Variants in FANCC observed in about 807,000 individuals in gnomAD.
FANCC encodes the protein Fanconi anemia group C protein.
Under a neutral mutation model 71.3 loss-of-function variants are expected in FANCC, and 55 were observed. The ratio of observed to expected loss-of-function variants is 0.77; its 90% CI spans 0.62 to 0.97. FANCC has a LOEUF of 0.97. FANCC is among the 50% of genes least tolerant of loss of function. The pLI, the probability that FANCC is intolerant of heterozygous loss-of-function variation, is 0.00. For missense variants in FANCC, 678 were observed against 670.9 expected (o/e 1.01, Z -0.12); for synonymous variants, 275 against 244.9 (o/e 1.12, Z -1.15).
At chr9:95,249,040 C>T in intron 2 of FANCC, 87 bp downstream of exon 2, 6 of 1,442,510 alleles carry the variant, frequency 4.2e-6, no homozygotes, top group Non-Finnish European at 5.8e-6. Flanking sequence ...CCACAAGTCC[C>T]GATTCTGGGT....
chr9:95,215,169 T>C (rs1306027666), intron 4 of FANCC, among the ~76,000 whole-genome samples: 1 of 152,172 alleles, frequency 6.6e-6, no homozygotes, highest in Non-Finnish European at 1.5e-5. Context: ...ACAGTTCGGA[T>C]ACAGATCACT....
At chr9:95,131,210 ATGTGCTCTTCTC>A (rs1826861853) in intron 8 of FANCC, among the ~76,000 whole-genome samples, 1 of 152,210 alleles carries the variant, frequency 6.6e-6, no homozygotes, top group African/African-American at 2.4e-5. Flanking sequence ...TTAAATTTAC[ATGTGCTCTTCTC>A]TGTGTTTGGA....
chr9:95,271,953 T>TTTTTTTTTTTTTTTTTTTTA (rs1832759135), intron 1 of FANCC, among the ~76,000 whole-genome samples: 1 of 136,640 alleles, frequency 7.3e-6, no homozygotes. Context: ...TTTTTTTTTT[T>TTTTTTTTTTTTTTTTTTTTA]TGAGATGGAG....
chr9:95,136,147 T>C (rs1036971606), intron 7 of FANCC, among the ~76,000 whole-genome samples: 6 of 152,100 alleles, frequency 3.9e-5, no homozygotes, highest in Non-Finnish European at 5.9e-5. Context: ...TCCCAACACT[T>C]TGAGAGACTG....
In FANCC at chr9:95,099,805, C is replaced by T. The variant is rs144528669; in HGVS notation, c.*1902G>A. The T allele has an allele frequency of 4.7e-5, 11 of 232,484 alleles. No homozygotes were observed. Among genetic ancestry groups the T allele is most frequent in the African/African-American group, 1.5e-4 (7 of 45,416 alleles). The allele number at this position is 232,484 out of a possible 1,614,324, so 14.4% of individuals were successfully genotyped here. ...GAACTGGGAGATTCTGCAGATGGGC[C>T]GAGGTCAGGGCTTCCAGGCTAGGAA... On this transcript the variant is annotated 3_prime_UTR_variant, in exon 15 of 15. Coordinates refer to ENST00000289081, the MANE Select transcript of FANCC (RefSeq NM_000136.3).
intron 4 of FANCC, among the ~76,000 whole-genome samples, chr9:95,235,776 G>C (rs917647508): frequency 1.4e-5 from 2 of 146,436 alleles, no homozygotes; most frequent in African/African-American, 5.1e-5. Flanking sequence ...CCCAGGAGGC[G>C]GAGGTTGCAG....
intron 11 of FANCC, among the ~76,000 whole-genome samples, chr9:95,115,300 G>A (rs925631107): frequency 1.3e-5 from 2 of 152,232 alleles, no homozygotes; most frequent in Non-Finnish European, 2.9e-5. Context: ...AGCAGCCCCC[G>A]CTGAGACTGG....
At chr9:95,142,299 A>G (rs1828877828) in intron 7 of FANCC, 2 of 151,304 alleles carry the variant, frequency 1.3e-5, no homozygotes. Context: ...GGCCACCAAC[A>G]GTTTTTATTT....
chr9:95,144,843 A>G (rs1428882501), intron 7 of FANCC, among the ~76,000 whole-genome samples: 1 of 152,202 alleles, frequency 6.6e-6, no homozygotes, highest in South Asian at 2.1e-4. Context: ...TAAGGAAAGA[A>G]TCGAGCGCCG....
chr9:95,105,652 C>CA (rs753498257), intron 14 of FANCC, among the ~76,000 whole-genome samples: 9 of 152,194 alleles, frequency 5.9e-5, no homozygotes, highest in Non-Finnish European at 1.0e-4. Context: ...ACTGACTCCC[C>CA]ACCCTCTGCC....
At chr9:95,154,666 A>G (rs1393008056) in intron 6 of FANCC, among the ~76,000 whole-genome samples, 2 of 151,916 alleles carry the variant, frequency 1.3e-5, no homozygotes, top group African/African-American at 2.4e-5. Flanking sequence ...GTGTTAAAAC[A>G]TGGCAGGAAG....
intron 7 of FANCC, among the ~76,000 whole-genome samples, chr9:95,149,666 A>G (rs575771906): frequency 2.6e-5 from 4 of 152,152 alleles, no homozygotes; most frequent in African/African-American, 9.6e-5. Context: ...TTTAGTAGAG[A>G]CAGGGTTTCA....
chr9:95,135,354 A>T lies in FANCC; in HGVS notation c.835T>A (p.Ser279Thr), dbSNP rs757190154. 5.6e-6 allele frequency: 9 copies of T among 1,613,940 alleles called. No individual in the cohort carries two copies. In the Admixed American group the frequency reaches 1.5e-4, roughly 27 times the overall value. Residue 279 changes from serine (S) to threonine (T), a missense_variant, in exon 8 of 15, where the codon TCA becomes ACA. Physicochemically the swap from Ser to Thr is moderately conservative, Grantham distance 58 (BLOSUM62 1). Transcript: ENST00000289081. ...LRRIECFIKD[S>T]SLPQAACHPA... ...CAAAACCCAGTACGTACCAGCGATG[A>T]ATCTTTTATAAAGCATTCGATCCTT...
chr9:95,244,431 G>A (rs1322486007), intron 3 of FANCC, among the ~76,000 whole-genome samples: 1 of 152,142 alleles, frequency 6.6e-6, no homozygotes, highest in East Asian at 1.9e-4. Context: ...TGTAATCCCA[G>A]CACTTTGGGA....
chr9:95,272,579 C>T (rs1290676416), intron 1 of FANCC, among the ~76,000 whole-genome samples: 1 of 152,052 alleles, frequency 6.6e-6, no homozygotes, highest in Non-Finnish European at 1.5e-5. Flanking sequence ...TGTCTGTAAT[C>T]CCAGCTACTC....
intron 1 of FANCC, among the ~76,000 whole-genome samples, chr9:95,277,254 C>T (rs1284018407): frequency 6.6e-6 from 1 of 152,158 alleles, no homozygotes; most frequent in Admixed American, 6.5e-5. Flanking sequence ...TCAAAGAGCA[C>T]ATTAATGTAA....
chr9:95,249,150 T>C lies in FANCC; in HGVS notation c.142A>G (p.Met48Val), dbSNP rs1831171942. The C allele has an allele frequency of 6.2e-7, 1 of 1,614,060 alleles. No homozygotes were observed. Among genetic ancestry groups the C allele is most frequent in the Non-Finnish European group, 8.5e-7 (1 of 1,179,952 alleles). ...ACCATCTCTTTCAAGGCTTCATACA[T>C]CTTCCTTAGGAACTCCTGGAACTGA... The part of the protein sequence containing the change: ...VAQFQEFLRK[M>V]YEALKEMDSN... The change falls in exon 2 of 15, where the codon ATG becomes GTG. Residue 48 changes from methionine to valine, a missense_variant. Met to Val is a conservative substitution (Grantham distance 21). Coordinates refer to ENST00000289081, the MANE Select transcript of FANCC (RefSeq NM_000136.3).
intron 7 of FANCC, among the ~76,000 whole-genome samples, chr9:95,147,249 G>A (rs1275210657): frequency 6.6e-6 from 1 of 152,166 alleles, no homozygotes; most frequent in Non-Finnish European, 1.5e-5. Flanking sequence ...CTGGCGCAGT[G>A]GCTCACGCCT....
intron 4 of FANCC, among the ~76,000 whole-genome samples, chr9:95,237,029 A>T (rs1239509574): frequency 2.6e-5 from 4 of 152,226 alleles, no homozygotes; most frequent in Admixed American, 2.6e-4. Context: ...TTATGTATGT[A>T]CTGACTGATG....
Sources: allele counts gnomAD v4.1 joint callset (sites outside exome capture counted in the v4.1 genomes callset), GRCh38; gene constraint gnomAD v4.1.1; transcripts MANE v1.5; gene names NCBI Gene and HGNC (gene_info 2026-07-23, HGNC 2026-07-21).